CCDC171: variants seen among roughly 807,000 people sequenced by gnomAD.
The protein encoded by CCDC171 is coiled-coil domain containing 171, also known as coiled-coil domain-containing protein 171.
CCDC171 carries 177 observed loss-of-function variants against 168.2 expected under a neutral mutation model. The observed-to-expected ratio is 1.05, with a 90% confidence interval of 0.93 to 1.19. CCDC171 has a LOEUF of 1.19. CCDC171 is among the 50% of genes most tolerant of loss of function. The probability of loss-of-function intolerance (pLI) is 0.00; values close to 1 mark genes in which losing one functional copy is unlikely to be tolerated. For synonymous variants in CCDC171, 687 were observed against 540.8 expected (o/e 1.27, Z -3.75); for missense variants, 1,991 against 1,539.0 (o/e 1.29, Z -4.91).
At chr9:16,082,718 G>C in the CCDC171 span, among the ~76,000 whole-genome samples, 1 of 152,210 alleles carries the variant, frequency 6.6e-6, no homozygotes, top group African/African-American at 2.4e-5. Flanking sequence ...AACATCTTAA[G>C]AGATGTGGTA....
intron 24 of CCDC171, among the ~76,000 whole-genome samples, chr9:15,905,086 C>T (rs1460829519): frequency 1.0e-4 from 15 of 143,548 alleles, no homozygotes; most frequent in South Asian, 4.5e-4. Context: ...GACTTTAACA[C>T]CCCACTGTCA....
chr9:15,937,382 A>C (rs545406944), intron 25 of CCDC171, among the ~76,000 whole-genome samples: 2 of 152,122 alleles, frequency 1.3e-5, no homozygotes, highest in Non-Finnish European at 2.9e-5. Flanking sequence ...AGTGAGAAAA[A>C]AGCTTATTAG....
chr9:15,689,628 T>C (rs1220722320), intron 10 of CCDC171, among the ~76,000 whole-genome samples: 1 of 152,172 alleles, frequency 6.6e-6, no homozygotes, highest in African/African-American at 2.4e-5. Context: ...TGAGAATCAC[T>C]TGAATCCAGG....
At chr9:15,614,765 G>C (rs2043960716) in intron 6 of CCDC171, among the ~76,000 whole-genome samples, 1 of 152,120 alleles carries the variant, frequency 6.6e-6, no homozygotes, top group African/African-American at 2.4e-5. Context: ...GGACTAAAAA[G>C]TTTCCTAGAA....
intron 21 of CCDC171, among the ~76,000 whole-genome samples, chr9:15,824,031 C>G (rs902112091): frequency 4.6e-5 from 7 of 152,016 alleles, no homozygotes; most frequent in African/African-American, 1.7e-4. Flanking sequence ...GCCAGTTAGT[C>G]ATATTCTGAA....
intron 11 of CCDC171, among the ~76,000 whole-genome samples, chr9:15,718,635 T>C (rs2053248988): frequency 6.6e-6 from 1 of 152,176 alleles, no homozygotes; most frequent in Admixed American, 6.6e-5. Context: ...AGAGACTCTG[T>C]TTGGGAGAAA....
At chr9:15,888,809 C>A (rs140276144) in intron 24 of CCDC171, among the ~76,000 whole-genome samples, 2 of 152,048 alleles carry the variant, frequency 1.3e-5, no homozygotes, top group Admixed American at 1.3e-4. Flanking sequence ...AAACTGGTAA[C>A]TTGAAGGCAA....
chr9:15,569,085 A>T (rs2039989785), intron 2 of CCDC171, among the ~76,000 whole-genome samples: 1 of 152,130 alleles, frequency 6.6e-6, no homozygotes. Context: ...ACTTTGGAGG[A>T]ACTACTTTTT....
intron 23 of CCDC171, among the ~76,000 whole-genome samples, chr9:15,868,037 T>G (rs1327753922): frequency 6.6e-6 from 1 of 152,044 alleles, no homozygotes; most frequent in Non-Finnish European, 1.5e-5. Flanking sequence ...TTAATTGGGA[T>G]GTAGCCAGAT....
intron 11 of CCDC171, among the ~76,000 whole-genome samples, chr9:15,697,693 A>G (rs542017777): frequency 7.7e-4 from 117 of 152,336 alleles, no homozygotes; most frequent in African/African-American, 2.5e-3. Flanking sequence ...CTTAATTAAA[A>G]AATACATTAT....
intron 21 of CCDC171, among the ~76,000 whole-genome samples, chr9:15,835,725 C>T (rs1482151433): frequency 1.3e-5 from 2 of 152,178 alleles, no homozygotes; most frequent in Non-Finnish European, 2.9e-5. Flanking sequence ...CTGCGCCTGG[C>T]TGTCAGTTGC....
Position 15,920,417 on chromosome 9 carries a change from C to T in CCDC171, c.3748C>T (p.Gln1250Ter). Reference protein sequence around the residue: ...TACLRENASLQSIGSRDHSNL... With the variant: ...TACLRENASL ...TTGTTTACGTGAAAATGCAAGTTTA[C>T]AATCAGTAAGTCCTTGTCTAACAAT... Residue 1250 changes from glutamine to a stop codon, truncating the protein, a stop_gained, in exon 25 of 26, where the codon CAA (glutamine) becomes TAA (stop). Coordinates refer to ENST00000380701, the MANE Select transcript of CCDC171 (RefSeq NM_173550.4). LOFTEE classifies it high-confidence loss of function. 1 of 1,602,858 alleles carries T rather than the reference C, an allele frequency of 6.2e-7. No homozygotes were observed. The highest frequency in any genetic ancestry group is 8.5e-7 in the Non-Finnish European group (1 of 1,172,916).
rs570441308 is a variant in CCDC171, at chr9:15,578,659, C to G, written c.178-190C>G. Reference sequence around the variant, plus strand: ...TTTTTTTTTTCCTCTAGTGGATTCTCTAAAATAAAAAACATAATGGGTGTC... The same window carrying G: ...TTTTTTTTTTCCTCTAGTGGATTCTGTAAAATAAAAAACATAATGGGTGTC... On this transcript the variant is annotated intron_variant, in intron 3 of 25. Coordinates refer to ENST00000380701, the MANE Select transcript of CCDC171 (RefSeq NM_173550.4). Among the ~76,000 whole-genome samples the G allele has an allele frequency of 4.0e-5, 6 of 151,130 alleles. No individual in the cohort carries two copies. The South Asian group carries it at 1.2e-3, about 31-fold the overall frequency.
chr9:15,775,845 CAT>C (rs2057295175), intron 18 of CCDC171, among the ~76,000 whole-genome samples: 1 of 152,014 alleles, frequency 6.6e-6, no homozygotes, highest in Admixed American at 6.6e-5. Context: ...ATTTAACAAA[CAT>C]GTAAAAAATA....
intron 3 of CCDC171, among the ~76,000 whole-genome samples, chr9:15,574,471 G>A (rs1394489574): frequency 6.6e-6 from 1 of 151,670 alleles, no homozygotes; most frequent in Admixed American, 6.6e-5. Flanking sequence ...TGGAGACGGA[G>A]TTTTACCATG....
At chr9:15,601,007 T>A (rs113098568) in intron 6 of CCDC171, among the ~76,000 whole-genome samples, 1 of 152,030 alleles carries the variant, frequency 6.6e-6, no homozygotes, top group Non-Finnish European at 1.5e-5. Context: ...AGGGTGGGAG[T>A]GACCCGATTT....
intron 18 of CCDC171, among the ~76,000 whole-genome samples, chr9:15,771,547 C>T (rs1209619785): frequency 6.8e-6 from 1 of 146,880 alleles, no homozygotes; most frequent in Admixed American, 7.1e-5. Context: ...ATAAAAGCTC[C>T]TTGTGTATCA....
intron 3 of CCDC171, among the ~76,000 whole-genome samples, chr9:15,983,727 G>A (rs1440915069): frequency 6.6e-6 from 1 of 151,500 alleles, no homozygotes; most frequent in Non-Finnish European, 1.5e-5. Flanking sequence ...TGGGATGGAT[G>A]TGATTGCCTG....
chr9:15,942,129 T>C (rs1827801263), intron 25 of CCDC171, among the ~76,000 whole-genome samples: 1 of 151,954 alleles, frequency 6.6e-6, no homozygotes, highest in East Asian at 1.9e-4. Flanking sequence ...TTGTATCATA[T>C]TACAATTGAT....
Sources: allele counts gnomAD v4.1 joint callset (sites outside exome capture counted in the v4.1 genomes callset), GRCh38; gene constraint gnomAD v4.1.1; transcripts MANE v1.5; gene names NCBI Gene and HGNC (gene_info 2026-07-23, HGNC 2026-07-21).